EYA1: variants seen among roughly 807,000 people sequenced by gnomAD.
EYA1 encodes EYA transcriptional coactivator and phosphatase 1, also known as protein phosphatase EYA1.
EYA1 carries 16 observed loss-of-function variants against 82.0 expected under a neutral mutation model. That is an observed-to-expected ratio of 0.20 (90% confidence interval 0.13 to 0.30). EYA1 has a LOEUF of 0.30. Among genes scored for constraint, EYA1 ranks in the 10% least tolerant of loss-of-function variants. The pLI, the probability that EYA1 is intolerant of heterozygous loss-of-function variation, is 1.00. For missense variants in EYA1, 633 were observed against 730.7 expected (o/e 0.87, Z 1.54); for synonymous variants, 261 against 264.4 (o/e 0.99, Z 0.12).
chr8:71,535,759 C>T, exon 2 of EYA1: 3 of 1,520,558 alleles, frequency 2.0e-6, no homozygotes, highest in Non-Finnish European at 2.6e-6. Flanking sequence ...GTCCATTTAT[C>T]CCCCGGGGGT....
intron 3 of EYA1, among the ~76,000 whole-genome samples, chr8:71,352,093 A>G (rs1389652581): frequency 6.6e-6 from 1 of 152,194 alleles, no homozygotes; most frequent in African/African-American, 2.4e-5. Flanking sequence ...AAAGACTCTT[A>G]AATTGTAATG....
chr8:71,535,735 T>C (rs2065769154), intron 2 of EYA1: 1 of 1,518,720 alleles, frequency 6.6e-7, no homozygotes, highest in Non-Finnish European at 8.8e-7. Flanking sequence ...TGACATTCTG[T>C]TTACTTACAG....
At chr8:71,246,203 A>G (rs1813068566) in intron 11 of EYA1, among the ~76,000 whole-genome samples, 2 of 152,224 alleles carry the variant, frequency 1.3e-5, no homozygotes, top group African/African-American at 2.4e-5. Flanking sequence ...GCCATTTTCA[A>G]TTCTTCCAAA....
At chr8:71,200,805 C>T (rs1402323241) in intron 17 of EYA1, among the ~76,000 whole-genome samples, 1 of 151,314 alleles carries the variant, frequency 6.6e-6, no homozygotes, top group Non-Finnish European at 1.5e-5. Context: ...AGGAGGTGGG[C>T]AATTACCTTT....
At position 71,211,276 on chromosome 8, in the gene EYA1, G is replaced by C. The variant is rs745319926; in HGVS notation, c.1598-20C>G. The C allele has an allele frequency of 1.3e-6, 2 of 1,511,618 alleles. No homozygotes were observed. The highest frequency in any genetic ancestry group is 3.3e-5 in the Admixed American group (2 of 59,828). 93.6% of individuals were successfully genotyped at this position (1,511,618 alleles called of 1,614,324 possible). ...CTTTTCCTAGTGAACAAAAATAAAT[G>C]ATAGAAAATGTGAAGTTTGGGTAAC... On this transcript the variant is annotated intron_variant, in intron 16 of 17. Transcript: ENST00000340726.
At chr8:71,220,807 C>T (rs1040189217) in intron 12 of EYA1, among the ~76,000 whole-genome samples, 2 of 151,766 alleles carry the variant, frequency 1.3e-5, no homozygotes, top group Non-Finnish European at 2.9e-5. Context: ...GTTCAAAGGC[C>T]CTGAGGCAGG....
At chr8:71,210,638 A>C (rs1240450917) in intron 17 of EYA1, among the ~76,000 whole-genome samples, 1 of 152,104 alleles carries the variant, frequency 6.6e-6, no homozygotes, top group African/African-American at 2.4e-5. Context: ...AGTTGGGTCC[A>C]CTCCCTTCCC....
At chr8:71,259,463 G>A (rs908143398) in intron 11 of EYA1, among the ~76,000 whole-genome samples, 40 of 152,168 alleles carry the variant, frequency 2.6e-4, no homozygotes, top group African/African-American at 9.7e-4. Context: ...AAAGAAACAC[G>A]TAAGACTCAT....
intron 16 of EYA1, among the ~76,000 whole-genome samples, chr8:71,212,894 T>A (rs906377523): frequency 6.6e-6 from 1 of 152,118 alleles, no homozygotes; most frequent in Admixed American, 6.5e-5. Flanking sequence ...CTGGCTAACA[T>A]GGAGAAACCC....
At position 71,244,628 on chromosome 8, in the gene EYA1, G is replaced by A. The variant is rs777268280; in HGVS notation, c.1115C>T (p.Thr372Ile). Residue 372 changes from threonine to isoleucine, a missense_variant, in exon 12 of 18, where the codon ACA (threonine) becomes ATA (isoleucine). Thr to Ile is a moderately conservative substitution (Grantham distance 89, BLOSUM62 -1). Transcript: ENST00000340726. ...TTCTAAGTCATTAAAAAATAAATGT[G>A]TGTCTGCCAAGTTGAAAATCATTTC... is the stretch of plus-strand genomic sequence containing the variant. ...MEEMIFNLAD[T>I]HLFFNDLEEC... is the part of the protein sequence containing the mutation. 3 of 1,605,118 alleles carry A rather than the reference G, an allele frequency of 1.9e-6. No homozygotes were observed. The highest frequency in any genetic ancestry group is 2.6e-6 in the Non-Finnish European group (3 of 1,172,576).
At chr8:71,484,653 C>A (rs1810424875) in intron 2 of EYA1, among the ~76,000 whole-genome samples, 1 of 152,218 alleles carries the variant, frequency 6.6e-6, no homozygotes, top group Admixed American at 6.5e-5. Context: ...GCACTGGGTC[C>A]TGCAAATTAG....
intron 2 of EYA1, among the ~76,000 whole-genome samples, chr8:71,428,147 T>C (rs1805369817): frequency 6.6e-6 from 1 of 152,150 alleles, no homozygotes. Flanking sequence ...GTATTACTGA[T>C]TGATGGACTG....
intron 2 of EYA1, among the ~76,000 whole-genome samples, chr8:71,403,270 GA>G (rs1830052419): frequency 2.6e-5 from 4 of 152,154 alleles, no homozygotes. Flanking sequence ...ACAATTGGCA[GA>G]AGAAGAAATC....
At chr8:71,541,555 A>G (rs1815135952) in intron 1 of EYA1, among the ~76,000 whole-genome samples, 2 of 152,240 alleles carry the variant, frequency 1.3e-5, no homozygotes, top group Admixed American at 6.5e-5. Flanking sequence ...TTTCAAGAAC[A>G]TTAAACCTAC....
intron 2 of EYA1, among the ~76,000 whole-genome samples, chr8:71,486,548 G>T (rs1810584398): frequency 6.6e-6 from 1 of 152,174 alleles, no homozygotes; most frequent in South Asian, 2.1e-4. Context: ...GGTGGGTAGG[G>T]AGAAGCTGGC....
chr8:71,496,785 C>G (rs1194948222), intron 2 of EYA1, among the ~76,000 whole-genome samples: 1 of 152,046 alleles, frequency 6.6e-6, no homozygotes, highest in African/African-American at 2.4e-5. Context: ...ATGGGGAAAC[C>G]AATTGTGTCA....
Position 71,199,298 on chromosome 8 carries a change from TG to T in EYA1, c.*41del. 6.9e-7 allele frequency: 1 copy of T among 1,439,442 alleles called. No homozygotes were observed. The highest frequency in any genetic ancestry group is 9.7e-7 in the Non-Finnish European group (1 of 1,031,680). 89.2% of individuals were successfully genotyped at this position (1,439,442 alleles called of 1,614,324 possible). A position where few individuals can be genotyped will look rare whatever the true frequency, so the allele number is the denominator to read the frequency against. On this transcript the variant is annotated 3_prime_UTR_variant, in exon 18 of 18. Transcript: ENST00000340726. ...GACTGGGGCCTGCTGGATCTGTCCC[TG>T]GTCACAGAGCAGCTGTGCGCTGTCA...
intron 6 of EYA1, among the ~76,000 whole-genome samples, chr8:71,319,577 C>A (rs186947397): frequency 6.6e-6 from 1 of 152,148 alleles, no homozygotes. Context: ...GTGGCAAACT[C>A]ATTTCACTGG....
In EYA1 at chr8:71,513,263, T is replaced by C. The variant is rs374212839; in HGVS notation, c.33+22481A>G. On this transcript the variant is annotated intron_variant, in intron 2 of 18. Transcript: ENST00000643681. ...ATTTCATATACTTAAGATAAAACTATTAGAATTTTCATAATAGAATATTAT... is the reference window on the plus strand; with the variant it reads ...ATTTCATATACTTAAGATAAAACTACTAGAATTTTCATAATAGAATATTAT... Among the ~76,000 whole-genome samples the C allele has an allele frequency of 1.6e-4, 25 of 152,036 alleles. 1 individual carries two copies. In the East Asian group the frequency reaches 4.8e-3, roughly 29 times the overall value.
Sources: gnomAD v4.1 joint callset for allele counts (sites outside exome capture counted in the v4.1 genomes callset) on GRCh38, gnomAD v4.1.1 for gene constraint, MANE v1.5 for transcripts, NCBI Gene and HGNC (gene_info 2026-07-23, HGNC 2026-07-21) for gene names.